The following SNTG2 variants were observed in gnomAD, a reference collection of about 807,000 sequenced individuals.
The protein encoded by SNTG2 is syntrophin gamma 2.
Under a neutral mutation model 70.9 loss-of-function variants are expected in SNTG2, and 74 were observed. The ratio of observed to expected loss-of-function variants is 1.04; its 90% CI spans 0.86 to 1.27. The LOEUF is 1.27. Ranked by LOEUF, SNTG2 falls within the 50% of genes most tolerant of loss-of-function variation. The pLI, the probability that SNTG2 is intolerant of heterozygous loss-of-function variation, is 0.00. For missense variants in SNTG2, 717 were observed against 690.7 expected (o/e 1.04, Z -0.43); for synonymous variants, 278 against 273.8 (o/e 1.02, Z -0.15).
At chr2:1,356,314 T>C (rs1396405762) in intron 16 of SNTG2, among the ~76,000 whole-genome samples, 4 of 152,228 alleles carry the variant, frequency 2.6e-5, no homozygotes, top group Admixed American at 1.3e-4. Context: ...ATTTTATAGT[T>C]TCAGGTCTTA....
chr2:1,129,197 AT>A (rs963336487), intron 4 of SNTG2, among the ~76,000 whole-genome samples: 3 of 152,342 alleles, frequency 2.0e-5, no homozygotes, highest in African/African-American at 7.2e-5. Context: ...CTAACAAATG[AT>A]TTCCTAAGAA....
chr2:968,142 G>GT (rs11435968), intron 1 of SNTG2, among the ~76,000 whole-genome samples: 51,037 of 151,194 alleles, frequency 0.34, 9,246 homozygotes, highest in Middle Eastern at 0.47. Context: ...TATTTCAAGC[G>GT]TTTTTTTTTA....
At chr2:1,022,213 C>T (rs976006168) in intron 1 of SNTG2, among the ~76,000 whole-genome samples, 7 of 152,102 alleles carry the variant, frequency 4.6e-5, no homozygotes, top group African/African-American at 1.4e-4. Context: ...TCCCTAGGTT[C>T]TTGCAAGTCC....
chr2:1,079,948 C>T (rs968926634), intron 1 of SNTG2, among the ~76,000 whole-genome samples: 1 of 152,234 alleles, frequency 6.6e-6, no homozygotes, highest in African/African-American at 2.4e-5. Context: ...ACCTGAGCTT[C>T]TCTGGGAGTG....
intron 7 of SNTG2, among the ~76,000 whole-genome samples, chr2:1,170,243 T>C (rs1007880845): frequency 4.6e-5 from 7 of 152,252 alleles, no homozygotes; most frequent in Non-Finnish European, 8.8e-5. Flanking sequence ...ATACAATTCA[T>C]GCAACAGAAA....
intron 1 of SNTG2, among the ~76,000 whole-genome samples, chr2:1,021,075 C>T (rs557737370): frequency 2.0e-5 from 3 of 152,094 alleles, no homozygotes; most frequent in Non-Finnish European, 4.4e-5. Context: ...TTAATTCTCT[C>T]TTGAATCGCC....
intron 8 of SNTG2, among the ~76,000 whole-genome samples, chr2:1,193,356 C>T (rs4569514): frequency 0.088 from 13,321 of 152,130 alleles, 892 homozygotes; most frequent in East Asian, 0.21. Context: ...CGCAGGCAGC[C>T]GCTCACCACC....
chr2:1,106,555 C>T (rs377568686), intron 4 of SNTG2, among the ~76,000 whole-genome samples: 6 of 136,644 alleles, frequency 4.4e-5, no homozygotes, highest in East Asian at 2.3e-4. Flanking sequence ...TGCTGTCACT[C>T]GGGTGCAGGG....
In SNTG2 at chr2:1,118,684, T is replaced by C. The variant is rs1353369277; in HGVS notation, c.326-18938T>C. On this transcript the variant is annotated intron_variant, in intron 4 of 16. Transcript: ENST00000308624. ...AGCAGAAAAAAAAAATCTGTGAACT[T>C]GAAGAGAGGTCTTTTGGAATGACTC... Among the ~76,000 whole-genome samples, 7 of 151,716 alleles carry C rather than the reference T, an allele frequency of 4.6e-5. No individual in the cohort carries two copies. The South Asian group carries it at 1.3e-3, about 27-fold the overall frequency.
At chr2:1,005,876 A>C (rs1319064940) in intron 1 of SNTG2, among the ~76,000 whole-genome samples, 13 of 110,256 alleles carry the variant, frequency 1.2e-4, no homozygotes, top group Non-Finnish European at 1.6e-4. Flanking sequence ...TATATATATA[A>C]ACGTTGACAT....
chr2:1,010,413 G>A (rs573834802), intron 1 of SNTG2, among the ~76,000 whole-genome samples: 39 of 152,314 alleles, frequency 2.6e-4, no homozygotes, highest in Admixed American at 5.9e-4. Context: ...AGGAGACCCC[G>A]ACAATCAGCC....
intron 2 of SNTG2, among the ~76,000 whole-genome samples, chr2:1,093,463 G>A (rs990571127): frequency 6.6e-6 from 1 of 152,128 alleles, no homozygotes; most frequent in Non-Finnish European, 1.5e-5. Context: ...AGCTGCAGAA[G>A]TTTTCCTGTT....
At chr2:1,264,244 T>C (rs1007872280) in intron 13 of SNTG2, among the ~76,000 whole-genome samples, 2 of 152,200 alleles carry the variant, frequency 1.3e-5, no homozygotes, top group Non-Finnish European at 1.5e-5. Context: ...GAGAGGAATA[T>C]AGACAAAGGT....
At chr2:1,223,733 G>A (rs750382206) in intron 9 of SNTG2, among the ~76,000 whole-genome samples, 3 of 152,148 alleles carry the variant, frequency 2.0e-5, no homozygotes, top group Non-Finnish European at 4.4e-5. Context: ...AGGTTTTAAA[G>A]GCACGAGACC....
intron 1 of SNTG2, among the ~76,000 whole-genome samples, chr2:970,271 A>G (rs1428172192): frequency 3.3e-5 from 5 of 152,102 alleles, no homozygotes; most frequent in African/African-American, 9.7e-5. Context: ...TTAATATTTG[A>G]GGATTTTTTT....
Position 1,155,601 on chromosome 2 carries a change from T to A in SNTG2, c.412-9947T>A, listed in dbSNP as rs1477939670. Among the ~76,000 whole-genome samples the A allele has an allele frequency of 2.6e-5, 4 of 152,204 alleles. No homozygotes were observed. The East Asian group carries it at 7.7e-4, about 29-fold the overall frequency. On this transcript the variant is annotated intron_variant, in intron 6 of 16. Coordinates refer to ENST00000308624, the MANE Select transcript of SNTG2 (RefSeq NM_018968.4). ...CCCTGGGGCCATGTGTGCAACAATC[T>A]GGACGTCAGCCCTGGCCGTGGTGGT... is the stretch of plus-strand genomic sequence containing the variant.
chr2:1,252,344 C>G (rs1677818797), intron 12 of SNTG2, among the ~76,000 whole-genome samples: 1 of 152,124 alleles, frequency 6.6e-6, no homozygotes, highest in African/African-American at 2.4e-5. Context: ...TTATAAATTT[C>G]TAGTGGTCTC....
chr2:970,890 A>G (rs1180486965), intron 1 of SNTG2, among the ~76,000 whole-genome samples: 1 of 152,216 alleles, frequency 6.6e-6, no homozygotes, highest in Admixed American at 6.5e-5. Context: ...CAAAAAACAC[A>G]TGAAAAAATG....
chr2:1,089,979 C>A (rs536623274), intron 2 of SNTG2, among the ~76,000 whole-genome samples: 3 of 152,150 alleles, frequency 2.0e-5, no homozygotes, highest in Non-Finnish European at 4.4e-5. Context: ...ACTGGCCTTT[C>A]GGTACTGATG....
Sources: gnomAD v4.1 joint callset for allele counts (sites outside exome capture counted in the v4.1 genomes callset) on GRCh38, gnomAD v4.1.1 for gene constraint, MANE v1.5 for transcripts, NCBI Gene and HGNC (gene_info 2026-07-23, HGNC 2026-07-21) for gene names.